The following PDSS2 variants were observed in gnomAD, a reference collection of about 807,000 sequenced individuals.
PDSS2 encodes all trans-polyprenyl-diphosphate synthase PDSS2.
In PDSS2, 31 loss-of-function variants were observed where a neutral mutation model predicts 44.5. The ratio of observed to expected loss-of-function variants is 0.70; its 90% CI spans 0.52 to 0.94. The LOEUF (loss-of-function observed/expected upper bound fraction) is 0.94. Among genes scored for constraint, PDSS2 ranks in the 40% least tolerant of loss-of-function variants. The pLI is 0.00. For missense variants in PDSS2, 452 were observed against 482.2 expected, an observed-to-expected ratio of 0.94 and a Z score of 0.59; for synonymous variants, 157 against 180.3, an observed-to-expected ratio of 0.87 and a Z score of 1.03.
chr6:107,210,121 T>C (rs1406109026), intron 6 of PDSS2, among the ~76,000 whole-genome samples: 1 of 152,134 alleles, frequency 6.6e-6, no homozygotes, highest in Non-Finnish European at 1.5e-5. Flanking sequence ...AGTTATAGGG[T>C]GGTGCTATTA....
chr6:107,423,845 A>G (rs962933637), intron 1 of PDSS2, among the ~76,000 whole-genome samples: 1 of 152,084 alleles, frequency 6.6e-6, no homozygotes, highest in Admixed American at 6.6e-5. Context: ...TAAAAGGCAG[A>G]GCAGAAACAA....
rs1462517093 is a variant in PDSS2 at position 107,302,014 on chromosome 6, TTAGA to T, written c.432-27791_432-27788del. 2.0e-5 allele frequency among the ~76,000 whole-genome samples: 3 copies of T among 150,924 alleles called. No homozygotes were observed. In the East Asian group the frequency reaches 5.8e-4, roughly 29 times the overall value. ...TTTAGGTAATAAAAAAGTTCTAAAA[TTAGA>T]TAGTAATGATAGTTGCACGACTCTG... On this transcript the variant is annotated intron_variant, in intron 2 of 7. Transcript: ENST00000369037.
At chr6:107,289,991 T>C (rs982512032) in intron 2 of PDSS2, among the ~76,000 whole-genome samples, 1 of 152,194 alleles carries the variant, frequency 6.6e-6, no homozygotes, top group Non-Finnish European at 1.5e-5. Flanking sequence ...GGTTTCACTT[T>C]GTTGCCCAGT....
intron 1 of PDSS2, among the ~76,000 whole-genome samples, chr6:107,416,193 C>A (rs1221338089): frequency 1.3e-5 from 2 of 151,992 alleles, no homozygotes; most frequent in Non-Finnish European, 2.9e-5. Context: ...TGTTCCCAGG[C>A]ATGTGTCTAA....
intron 3 of PDSS2, chr6:107,264,483 T>C (rs774025162): frequency 2.1e-5 from 32 of 1,547,396 alleles, no homozygotes; most frequent in African/African-American, 2.7e-5. Flanking sequence ...CCATCTGATA[T>C]ATAGCAATAG....
chr6:107,301,299 C>T (rs1776685960), intron 2 of PDSS2, among the ~76,000 whole-genome samples: 1 of 152,068 alleles, frequency 6.6e-6, no homozygotes, highest in South Asian at 2.1e-4. Context: ...TTAAGAATTG[C>T]CCGGTGTGTG....
At chr6:107,342,331 A>G (rs1778106256) in intron 1 of PDSS2, among the ~76,000 whole-genome samples, 1 of 152,194 alleles carries the variant, frequency 6.6e-6, no homozygotes, top group African/African-American at 2.4e-5. Flanking sequence ...AATTTGCCAC[A>G]TCCAACCATT....
At chr6:107,198,837 A>AACAACG in intron 6 of PDSS2, among the ~76,000 whole-genome samples, 1 of 151,062 alleles carries the variant, frequency 6.6e-6, no homozygotes, top group East Asian at 2.0e-4. Flanking sequence ...CAACAACAAC[A>AACAACG]CAGCAAAAAT....
At chr6:107,164,853 G>A (rs1472110225) in intron 7 of PDSS2, among the ~76,000 whole-genome samples, 1 of 152,090 alleles carries the variant, frequency 6.6e-6, no homozygotes, top group Non-Finnish European at 1.5e-5. Flanking sequence ...CTTAATGATC[G>A]CCATTCTAAC....
Position 107,455,733 on chromosome 6 carries a change from C to T in PDSS2, c.296+3257G>A, listed in dbSNP as rs1428007165. ...CAGGCCACTGGGCACTCCAGCCTGG[C>T]GATAGAGCGAGACTCTGTCTCAAAA... On this transcript the variant is annotated intron_variant, in intron 1 of 7. Transcript: ENST00000369037. Among the ~76,000 whole-genome samples the T allele has an allele frequency of 5.6e-5, 6 of 107,700 alleles. No homozygotes were observed. In the East Asian group the frequency reaches 9.0e-4, roughly 16 times the overall value. 70.7% of individuals were successfully genotyped at this position (107,700 alleles called of 152,430 possible).
At chr6:107,175,905 C>T (rs1366010364) in intron 7 of PDSS2, among the ~76,000 whole-genome samples, 1 of 152,198 alleles carries the variant, frequency 6.6e-6, no homozygotes. Flanking sequence ...TATATTTTTA[C>T]TTAAATCCTT....
At chr6:107,366,751 G>C in intron 1 of PDSS2, among the ~76,000 whole-genome samples, 1 of 151,876 alleles carries the variant, frequency 6.6e-6, no homozygotes, top group Non-Finnish European at 1.5e-5. Flanking sequence ...AATTCCTAGA[G>C]AGTCAGACAT....
chr6:107,256,514 CCCAAGGTT>C (rs1775027746), intron 3 of PDSS2, among the ~76,000 whole-genome samples: 1 of 152,124 alleles, frequency 6.6e-6, no homozygotes, highest in Admixed American at 6.5e-5. Flanking sequence ...TCAGAGACAT[CCCAAGGTT>C]TGTACTCTAA....
chr6:107,245,134 C>T (rs987517037), intron 4 of PDSS2, among the ~76,000 whole-genome samples: 1 of 152,130 alleles, frequency 6.6e-6, no homozygotes, highest in African/African-American at 2.4e-5. Flanking sequence ...CCCCATCCCA[C>T]CTCCCCAACA....
chr6:107,437,342 T>C (rs1416675561), intron 1 of PDSS2, among the ~76,000 whole-genome samples: 1 of 151,994 alleles, frequency 6.6e-6, no homozygotes, highest in East Asian at 1.9e-4. Context: ...CTGGCCAACA[T>C]GGCGAAACCC....
chr6:107,202,239 T>C (rs1772804946), intron 6 of PDSS2, among the ~76,000 whole-genome samples: 1 of 152,116 alleles, frequency 6.6e-6, no homozygotes, highest in African/African-American at 2.4e-5. Context: ...GGGATCTTGC[T>C]ATGTTGCCTA....
Position 107,154,399 on chromosome 6 carries a change from G to A in PDSS2, c.*220C>T, listed in dbSNP as rs1554245100. On this transcript the variant is annotated 3_prime_UTR_variant, in exon 8 of 8. Coordinates refer to ENST00000369037, the MANE Select transcript of PDSS2 (RefSeq NM_020381.4). ...TATTTCTGCGACTGCAGCCTCAAGT[G>A]TGCTTCTGGCGTGACAAGTGAAAAC... 1.5e-5 allele frequency: 8 copies of A among 517,244 alleles called. No individual in the cohort carries two copies. Among genetic ancestry groups the A allele is most frequent in the Non-Finnish European group, 2.1e-5 (6 of 287,080 alleles). The allele number at this position is 517,244 out of a possible 1,614,324, so 32.0% of individuals were successfully genotyped here.
intron 1 of PDSS2, among the ~76,000 whole-genome samples, chr6:107,360,806 A>G (rs1778748976): frequency 6.6e-6 from 1 of 152,222 alleles, no homozygotes; most frequent in Non-Finnish European, 1.5e-5. Context: ...TTTTGACTCT[A>G]TGTATAGTGA....
chr6:107,237,634 C>T (rs1774268883), intron 4 of PDSS2, among the ~76,000 whole-genome samples: 1 of 151,526 alleles, frequency 6.6e-6, no homozygotes, highest in Admixed American at 6.6e-5. Context: ...GGCACAGTGG[C>T]TTACACTTGT....
Sources: allele counts gnomAD v4.1 joint callset (sites outside exome capture counted in the v4.1 genomes callset), GRCh38; gene constraint gnomAD v4.1.1; transcripts MANE v1.5; gene names NCBI Gene and HGNC (gene_info 2026-07-23, HGNC 2026-07-21).